The following NTRK3 variants were observed in gnomAD, a reference collection of about 807,000 sequenced individuals.
NTRK3 encodes the protein NT-3 growth factor receptor.
A neutral mutation model predicts 91.7 loss-of-function variants in NTRK3; 24 were observed. The observed-to-expected ratio is 0.26, with a 90% CI of 0.19 to 0.37. The LOEUF (loss-of-function observed/expected upper bound fraction) is 0.37. Ranked by LOEUF, NTRK3 falls within the 10% of genes least tolerant of loss-of-function variation. The probability of loss-of-function intolerance (pLI) is 1.00; values close to 1 mark genes in which losing one functional copy is unlikely to be tolerated. For missense variants in NTRK3, 880 were observed against 1,068.9 expected, an observed-to-expected ratio of 0.82 and a Z score of 2.46; for synonymous variants, 483 against 404.0, an observed-to-expected ratio of 1.20 and a Z score of -2.34.
chr15:88,140,787 C>A (rs1212837187), intron 6 of NTRK3, among the ~76,000 whole-genome samples: 2 of 152,154 alleles, frequency 1.3e-5, no homozygotes, highest in African/African-American at 4.8e-5. Flanking sequence ...CTGAAAAGGT[C>A]TTAGGGCCCC....
Position 88,241,508 on chromosome 15 carries a change from T to C in NTRK3, c.248+14398A>G, listed in dbSNP as rs2052349012. On this transcript the variant is annotated intron_variant, in intron 3 of 18. Coordinates refer to ENST00000394480, the Ensembl canonical transcript of NTRK3. This position sits in a 1 kb window ranked among gnomAD's most constrained non-coding sequence, Gnocchi z 4.3. Reference sequence around the variant, plus strand: ...GAGGTCACTCTCCTGCCACTTCTGCTTCCCCAGGGCCCAGGGAGCTGCTCT... The same window carrying C: ...GAGGTCACTCTCCTGCCACTTCTGCCTCCCCAGGGCCCAGGGAGCTGCTCT... 6.6e-6 allele frequency among the ~76,000 whole-genome samples: 1 copy of C among 152,088 alleles called. No individual in the cohort carries two copies. Among genetic ancestry groups the C allele is most frequent in the South Asian group, 2.1e-4 (1 of 4,830 alleles).
chr15:88,008,114 T>C (rs2076619436), intron 14 of NTRK3, among the ~76,000 whole-genome samples: 1 of 152,084 alleles, frequency 6.6e-6, no homozygotes, highest in Non-Finnish European at 1.5e-5. Flanking sequence ...CTAAAATTAA[T>C]TTGGGTTGGA....
At chr15:87,955,936 C>T (rs1354821804) in intron 14 of NTRK3, among the ~76,000 whole-genome samples, 1 of 152,084 alleles carries the variant, frequency 6.6e-6, no homozygotes, top group African/African-American at 2.4e-5. Context: ...AGACTCTTCT[C>T]GTCCTCCTGG....
At chr15:88,001,908 G>T (rs1468038084) in intron 14 of NTRK3, among the ~76,000 whole-genome samples, 1 of 152,124 alleles carries the variant, frequency 6.6e-6, no homozygotes, top group Non-Finnish European at 1.5e-5. Flanking sequence ...GGTTAAATCT[G>T]CAGGTCAATT....
chr15:88,047,172 T>C (rs2080295066), intron 13 of NTRK3, among the ~76,000 whole-genome samples: 1 of 152,192 alleles, frequency 6.6e-6, no homozygotes, highest in Non-Finnish European at 1.5e-5. Flanking sequence ...AACAAGAATG[T>C]GTATGAACAC....
chr15:88,122,832 G>A (rs1430198104), intron 13 of NTRK3, among the ~76,000 whole-genome samples: 1 of 151,978 alleles, frequency 6.6e-6, no homozygotes, highest in Non-Finnish European at 1.5e-5. Flanking sequence ...TAATTTATAA[G>A]CTGTACTTTT....
At chr15:88,118,701 GC>G (rs2052374509) in intron 13 of NTRK3, among the ~76,000 whole-genome samples, 1 of 152,206 alleles carries the variant, frequency 6.6e-6, no homozygotes, top group Non-Finnish European at 1.5e-5. Flanking sequence ...TACTGTGAGA[GC>G]CAGCACTTTT....
chr15:87,917,300 T>C (rs2067515651), intron 17 of NTRK3, among the ~76,000 whole-genome samples: 2 of 152,184 alleles, frequency 1.3e-5, no homozygotes, highest in African/African-American at 4.8e-5. Context: ...CTCCCACAGC[T>C]GAAAGGAATA....
At chr15:88,191,380 G>T (rs1254759457) in intron 3 of NTRK3, among the ~76,000 whole-genome samples, 4 of 152,154 alleles carry the variant, frequency 2.6e-5, no homozygotes, top group African/African-American at 7.2e-5. Context: ...TAGAGACAGG[G>T]TTATACCATG....
chr15:87,864,437 T>C (rs562050339), exon 19 of NTRK3: 1 of 230,486 alleles, frequency 4.3e-6, no homozygotes, highest in East Asian at 6.2e-5. Flanking sequence ...TGTTAACATA[T>C]CAGGTCAAAC....
chr15:87,996,818 G>A (rs1044634566), intron 14 of NTRK3, among the ~76,000 whole-genome samples: 4 of 152,194 alleles, frequency 2.6e-5, no homozygotes, highest in Admixed American at 1.3e-4. Context: ...CTTTAGACTT[G>A]CTAAGATCAG....
intron 13 of NTRK3, among the ~76,000 whole-genome samples, chr15:88,037,255 T>C (rs2079154514): frequency 6.6e-6 from 1 of 152,072 alleles, no homozygotes; most frequent in South Asian, 2.1e-4. Context: ...CAGAAAAGGA[T>C]ACTGTCTTAG....
chr15:87,920,600 T>C (rs11855377), intron 17 of NTRK3, among the ~76,000 whole-genome samples: 75,168 of 152,116 alleles, frequency 0.49, 19,511 homozygotes, highest in African/African-American at 0.67. Flanking sequence ...TATATGAAGA[T>C]GGCTGCCCCA....
chr15:88,109,481 A>AATCAAATG (rs1209281660), intron 13 of NTRK3, among the ~76,000 whole-genome samples: 9 of 152,230 alleles, frequency 5.9e-5, no homozygotes, highest in African/African-American at 2.2e-4. Flanking sequence ...TCACAGTGAA[A>AATCAAATG]ATCAAATGGA....
At chr15:88,222,941 T>C (rs565539636) in intron 3 of NTRK3, among the ~76,000 whole-genome samples, 28 of 152,230 alleles carry the variant, frequency 1.8e-4, no homozygotes, top group African/African-American at 6.3e-4. Flanking sequence ...CAGGATTCTT[T>C]TGGGGTTCTG....
intron 5 of NTRK3, among the ~76,000 whole-genome samples, chr15:88,161,773 G>A (rs1240249865): frequency 6.6e-6 from 1 of 152,158 alleles, no homozygotes; most frequent in Non-Finnish European, 1.5e-5. Flanking sequence ...GGAGGGATTT[G>A]GGCAGGAGAT....
At chr15:88,212,395 C>T (rs1248599477) in intron 3 of NTRK3, among the ~76,000 whole-genome samples, 1 of 152,074 alleles carries the variant, frequency 6.6e-6, no homozygotes. Context: ...AATAAAAAGT[C>T]TCTAACAGTT....
chr15:87,921,781 A>T (rs897921483), intron 17 of NTRK3, among the ~76,000 whole-genome samples: 1 of 152,136 alleles, frequency 6.6e-6, no homozygotes, highest in African/African-American at 2.4e-5. Context: ...AATGAGCAGC[A>T]AAACTTCTGC....
At chr15:88,125,439 A>G (rs1259241263) in intron 13 of NTRK3, among the ~76,000 whole-genome samples, 1 of 152,138 alleles carries the variant, frequency 6.6e-6, no homozygotes, top group Admixed American at 6.5e-5. Context: ...CTGGCTCAGC[A>G]AACTGATAAC....
Sources: gnomAD v4.1 joint callset for allele counts (sites outside exome capture counted in the v4.1 genomes callset) on GRCh38, gnomAD v4.1.1 for gene constraint, Gnocchi (gnomAD v3.1) non-coding constraint, MANE v1.5 for transcripts, NCBI Gene and HGNC (gene_info 2026-07-23, HGNC 2026-07-21) for gene names.